Variants in ZMYND8 observed in about 807,000 individuals in gnomAD.
ZMYND8 encodes the protein MYND-type zinc finger-containing chromatin reader ZMYND8.
Under a neutral mutation model 140.8 loss-of-function variants are expected in ZMYND8, and 37 were observed. That is an observed-to-expected ratio of 0.26 (90% CI 0.20 to 0.35). ZMYND8 has a LOEUF of 0.35. ZMYND8 is among the 10% of genes least tolerant of loss of function. ZMYND8 has a pLI of 1.00. For synonymous variants in ZMYND8, 592 were observed against 597.1 expected (o/e 0.99, Z 0.12); for missense variants, 1,068 against 1,570.0 (o/e 0.68, Z 5.40).
intron 11 of ZMYND8, among the ~76,000 whole-genome samples, chr20:47,266,749 G>A (rs1156508895): frequency 6.6e-6 from 1 of 152,026 alleles, no homozygotes; most frequent in Non-Finnish European, 1.5e-5. Flanking sequence ...GCCCCCAACG[G>A]GGCAAAAATA....
chr20:47,335,417 C>G (rs922490526), intron 2 of ZMYND8, among the ~76,000 whole-genome samples: 4 of 151,820 alleles, frequency 2.6e-5, no homozygotes, highest in Non-Finnish European at 5.9e-5. Context: ...TTCCACTCAC[C>G]CTCACCCCCC....
intron 2 of ZMYND8, among the ~76,000 whole-genome samples, chr20:47,325,130 C>T (rs2080306730): frequency 1.3e-5 from 2 of 152,168 alleles, no homozygotes; most frequent in Admixed American, 1.3e-4. Flanking sequence ...CTCTCAAACT[C>T]CTGACCTCAG....
At chr20:47,251,321 AT>A (rs1017099737) in intron 12 of ZMYND8, among the ~76,000 whole-genome samples, 5 of 151,928 alleles carry the variant, frequency 3.3e-5, no homozygotes, top group African/African-American at 4.8e-5. Context: ...AGGCACAGTG[AT>A]TCACACCTCT....
At chr20:47,297,490 C>T (rs554644295) in intron 4 of ZMYND8, among the ~76,000 whole-genome samples, 9 of 151,918 alleles carry the variant, frequency 5.9e-5, no homozygotes, top group African/African-American at 2.2e-4. Context: ...GGCATGATTA[C>T]AGCTCACTGC....
At chr20:47,309,303 C>T (rs1280822293) in intron 3 of ZMYND8, among the ~76,000 whole-genome samples, 3 of 151,362 alleles carry the variant, frequency 2.0e-5, no homozygotes, top group African/African-American at 4.9e-5. Context: ...AGAACCTAAA[C>T]CCTTCATTTT....
At chr20:47,260,550 TG>T (rs2075080265) in intron 12 of ZMYND8, among the ~76,000 whole-genome samples, 1 of 152,228 alleles carries the variant, frequency 6.6e-6, no homozygotes, top group Admixed American at 6.5e-5. Flanking sequence ...TTTTTCCTCC[TG>T]ACACTGGCAT....
At chr20:47,290,593 T>C (rs1157176821) in intron 6 of ZMYND8, among the ~76,000 whole-genome samples, 2 of 143,820 alleles carry the variant, frequency 1.4e-5, no homozygotes, top group African/African-American at 5.1e-5. Flanking sequence ...GTTTTTTTTT[T>C]TTTTTTTTTT....
intron 2 of ZMYND8, among the ~76,000 whole-genome samples, chr20:47,324,201 C>CAG (rs2080209319): frequency 1.5e-5 from 1 of 66,680 alleles, no homozygotes; most frequent in African/African-American, 4.7e-5. Context: ...GACTCTGTCT[C>CAG]AAAAAAAAAA....
At chr20:47,220,590 C>A (rs2036806049) in intron 20 of ZMYND8, among the ~76,000 whole-genome samples, 1 of 151,756 alleles carries the variant, frequency 6.6e-6, no homozygotes, top group Non-Finnish European at 1.5e-5. Flanking sequence ...TCCTAAACTC[C>A]ACTCACTAAC....
chr20:47,253,197 C>CT (rs1250319898), intron 12 of ZMYND8, among the ~76,000 whole-genome samples: 1 of 152,222 alleles, frequency 6.6e-6, no homozygotes, highest in African/African-American at 2.4e-5. Context: ...CTCAGAGACT[C>CT]TGACTCAATT....
At chr20:47,227,865 G>A (rs189762489) in intron 17 of ZMYND8, among the ~76,000 whole-genome samples, 1 of 152,276 alleles carries the variant, frequency 6.6e-6, no homozygotes, top group Non-Finnish European at 1.5e-5. Flanking sequence ...GGCCAAGGTG[G>A]GTAGATCACC....
At chr20:47,257,867 T>G (rs776960053) in intron 12 of ZMYND8, among the ~76,000 whole-genome samples, 1 of 152,178 alleles carries the variant, frequency 6.6e-6, no homozygotes, top group Non-Finnish European at 1.5e-5. Context: ...GTTTTGTTTT[T>G]GTTTTTGTAC....
At chr20:47,289,125 T>A (rs1488973329) in intron 7 of ZMYND8, among the ~76,000 whole-genome samples, 1 of 151,986 alleles carries the variant, frequency 6.6e-6, no homozygotes, top group Non-Finnish European at 1.5e-5. Context: ...AAATAAATAA[T>A]CCTATTTTTG....
chr20:47,286,009 G>T (rs911238108), intron 8 of ZMYND8, among the ~76,000 whole-genome samples: 3 of 151,562 alleles, frequency 2.0e-5, no homozygotes, highest in Non-Finnish European at 4.4e-5. Context: ...TGGGCAACAT[G>T]GCAAAACCCC....
Position 47,210,029 on chromosome 20 carries a change from CTTGT to C in ZMYND8, c.*728_*731del, listed in dbSNP as rs931834069. On this transcript the variant is annotated 3_prime_UTR_variant, in exon 23 of 23. Coordinates refer to ENST00000471951, the MANE Select transcript of ZMYND8 (RefSeq NM_001281775.3). ...TCTCCTGTGACTGAGCTGAGTGGGG[CTTGT>C]TTGTTTCTCTTCTGTAAACAAGGAT... 23 of 152,694 alleles carry C rather than the reference CTTGT, an allele frequency of 1.5e-4. No homozygotes were observed. Among genetic ancestry groups the C allele is most frequent in the African/African-American group, 4.1e-4 (17 of 41,552 alleles). 9.5% of individuals were successfully genotyped at this position (152,694 alleles called of 1,614,324 possible).
chr20:47,334,053 T>TA (rs1305624679), intron 2 of ZMYND8, among the ~76,000 whole-genome samples: 10 of 152,234 alleles, frequency 6.6e-5, no homozygotes, highest in East Asian at 3.8e-4. Context: ...TCAGAACACT[T>TA]AGAGTTAGGC....
chr20:47,356,638 G>T lies in ZMYND8; in HGVS notation c.14+19C>A. ...CTCAGAGGGAGGGGGAAAAAAGATG[G>T]TTAAAAAGTCGAGCTTACCTCTGTG... On this transcript the variant is annotated intron_variant, in intron 1 of 22. Transcript: ENST00000471951. The T allele has an allele frequency of 1.2e-6, 2 of 1,614,154 alleles. No homozygotes were observed. The highest frequency in any genetic ancestry group is 1.7e-6 in the Non-Finnish European group (2 of 1,180,028).
intron 2 of ZMYND8, among the ~76,000 whole-genome samples, chr20:47,316,280 G>A (rs895689894): frequency 6.7e-6 from 1 of 149,514 alleles, no homozygotes; most frequent in Non-Finnish European, 1.5e-5. Context: ...GCAGTAAGCC[G>A]AGATCATGCC....
At chr20:47,248,186 A>G (rs1246899766) in intron 13 of ZMYND8, among the ~76,000 whole-genome samples, 2 of 152,210 alleles carry the variant, frequency 1.3e-5, no homozygotes, top group African/African-American at 4.8e-5. Flanking sequence ...GGGACTGATA[A>G]AAGTATCAAC....
Sources: gnomAD v4.1 joint callset for allele counts (sites outside exome capture counted in the v4.1 genomes callset) on GRCh38, gnomAD v4.1.1 for gene constraint, MANE v1.5 for transcripts, NCBI Gene and HGNC (gene_info 2026-07-23, HGNC 2026-07-21) for gene names.